Variants in RAB9B observed in about 807,000 individuals in gnomAD.
RAB9B encodes the protein RAB9B, member RAS oncogene family, also known as ras-related protein Rab-9B.
In RAB9B, 1 loss-of-function variant was observed where a neutral mutation model predicts 8.9. That is an observed-to-expected ratio of 0.11 (90% CI 0.04 to 0.53). RAB9B has a LOEUF of 0.53. Ranked by LOEUF, RAB9B falls within the 20% of genes least tolerant of loss-of-function variation. The pLI is 0.93. For synonymous variants in RAB9B, 63 were observed against 57.0 expected (o/e 1.10, Z -0.47); for missense variants, 82 against 152.9 (o/e 0.54, Z 2.45).
chrX:103,808,504 T>G, the RAB9B span, among the ~76,000 whole-genome samples: 1 of 112,682 alleles, frequency 8.9e-6, no homozygotes, highest in Non-Finnish European at 1.9e-5. Flanking sequence ...GCAGGTAGCC[T>G]GAGCCATCCC....
chrX:103,822,960 G>C lies in RAB9B; in HGVS notation c.*2219C>G, dbSNP rs943980067. ...GCCAATAAAATTAACACTTGTCTTAGATGGACAGGATGCCTATGAATCCGA... is the reference window on the plus strand; with the variant it reads ...GCCAATAAAATTAACACTTGTCTTACATGGACAGGATGCCTATGAATCCGA... On this transcript the variant is annotated 3_prime_UTR_variant, in exon 3 of 3. Coordinates refer to ENST00000243298, the MANE Select transcript of RAB9B (RefSeq NM_016370.4). The C allele has an allele frequency of 7.2e-5, 8 of 111,280 alleles. No homozygotes were observed. The highest frequency in any genetic ancestry group is 3.8e-4 in the South Asian group (1 of 2,609). The allele number at this position is 111,280 out of a possible 1,213,427, so 9.2% of individuals were successfully genotyped here.
At chrX:103,796,286 G>C in the RAB9B span, among the ~76,000 whole-genome samples, 1 of 111,540 alleles carries the variant, frequency 9.0e-6, no homozygotes, top group Non-Finnish European at 1.9e-5. Context: ...TTCAAGACCA[G>C]TCTGGCCAAC....
At chrX:103,830,615 T>G (rs1429435794) in intron 1 of RAB9B, among the ~76,000 whole-genome samples, 1 of 111,388 alleles carries the variant, frequency 9.0e-6, no homozygotes, top group Non-Finnish European at 1.9e-5. Context: ...TAACTTTTTT[T>G]TTTCCCATCA....
At chrX:103,796,824 C>G in the RAB9B span, among the ~76,000 whole-genome samples, 1 of 74,656 alleles carries the variant, frequency 1.3e-5, no homozygotes, top group Non-Finnish European at 2.4e-5. Flanking sequence ...GAAAAGGGGC[C>G]ACAAAGCGAG....
Position 103,822,812 on chromosome X carries a change from G to A in RAB9B, c.*2367C>T, listed in dbSNP as rs888134492. ...AAACTGTATGTCAGCACCCCACTGA[G>A]TGTTGCTTACCCAAATGCCACTGTT... On this transcript the variant is annotated 3_prime_UTR_variant, in exon 3 of 3. Coordinates refer to ENST00000243298, the MANE Select transcript of RAB9B (RefSeq NM_016370.4). The A allele has an allele frequency of 4.5e-5, 5 of 111,180 alleles. No homozygotes were observed. The highest frequency in any genetic ancestry group is 1.6e-4 in the African/African-American group (5 of 30,550). The allele number at this position is 111,180 out of a possible 1,213,427, so 9.2% of individuals were successfully genotyped here. A position where few individuals can be genotyped will look rare whatever the true frequency, so the allele number is the denominator to read the frequency against.
the RAB9B span, chrX:103,787,814 A>G: frequency 7.4e-6 from 9 of 1,210,078 alleles, no homozygotes; most frequent in Admixed American, 2.2e-5. Flanking sequence ...GGCATCACCT[A>G]TGCCCTGACC....
chrX:103,818,790 T>C (rs1170587747), downstream of RAB9B, among the ~76,000 whole-genome samples: 1 of 111,966 alleles, frequency 8.9e-6, no homozygotes, highest in East Asian at 2.8e-4. Context: ...TCTGCTTATC[T>C]CAGGTTAATA....
the RAB9B span, among the ~76,000 whole-genome samples, chrX:103,794,668 A>T: frequency 8.9e-6 from 1 of 112,534 alleles, no homozygotes; most frequent in Non-Finnish European, 1.9e-5. Flanking sequence ...CTATTTTGAC[A>T]TTAACAGTTA....
rs2074707069 is a variant in RAB9B at position 103,832,195 on chromosome X, G to C, written c.-252C>G. 1 of 111,284 alleles carries C rather than the reference G, an allele frequency of 9.0e-6. No individual in the cohort carries two copies. Among genetic ancestry groups the C allele is most frequent in the Non-Finnish European group, 1.9e-5 (1 of 52,629 alleles). The allele number at this position is 111,284 out of a possible 1,213,427, so 9.2% of individuals were successfully genotyped here. ...CGTCCTCAATGGGGCAGCAAGTGCG[G>C]CTTGGACCTCGGTGGCCTGACAGCT... On this transcript the variant is annotated 5_prime_UTR_variant, in exon 1 of 3. Coordinates refer to ENST00000243298, the MANE Select transcript of RAB9B (RefSeq NM_016370.4).
the RAB9B span, among the ~76,000 whole-genome samples, chrX:103,809,124 T>C: frequency 9.0e-6 from 1 of 110,756 alleles, no homozygotes; most frequent in Non-Finnish European, 1.9e-5. Context: ...GGTGTCCTTA[T>C]AAGAAAAGGG....
At chrX:103,817,047 A>G in the RAB9B span, among the ~76,000 whole-genome samples, 2 of 112,314 alleles carry the variant, frequency 1.8e-5, no homozygotes, top group Non-Finnish European at 3.8e-5. Flanking sequence ...CTAGAACTAG[A>G]AATACCTTTT....
the RAB9B span, among the ~76,000 whole-genome samples, chrX:103,811,493 A>T: frequency 8.9e-6 from 1 of 112,086 alleles, no homozygotes; most frequent in Non-Finnish European, 1.9e-5. Flanking sequence ...TATAAACATT[A>T]ATTTTTATTA....
At chrX:103,806,287 C>G in the RAB9B span, among the ~76,000 whole-genome samples, 4 of 110,981 alleles carry the variant, frequency 3.6e-5, no homozygotes, top group East Asian at 1.1e-3. Context: ...TAAGTTTAGT[C>G]AGGTTGTAAT....
chrX:103,795,646 A>T, the RAB9B span, among the ~76,000 whole-genome samples: 4 of 112,098 alleles, frequency 3.6e-5, no homozygotes, highest in Admixed American at 9.5e-5. Context: ...ACCAGATAGA[A>T]ATTTGGTGAA....
At chrX:103,779,593 G>A in the RAB9B span, among the ~76,000 whole-genome samples, 3 of 111,958 alleles carry the variant, frequency 2.7e-5, no homozygotes, top group South Asian at 3.7e-4. Context: ...CAGAGCCAGA[G>A]GAGTTCTTGG....
At chrX:103,779,894 G>A in the RAB9B span, 3 of 112,443 alleles carry the variant, frequency 2.7e-5, no homozygotes, top group African/African-American at 9.7e-5. Context: ...TTGAAAGAAA[G>A]CAACAGTAGA....
At chrX:103,821,398 C>A (rs1312779183), downstream of RAB9B, among the ~76,000 whole-genome samples, 2 of 109,272 alleles carry the variant, frequency 1.8e-5, no homozygotes, top group African/African-American at 6.7e-5. Context: ...TCCCCACCCC[C>A]AATTTCAACT....
At chrX:103,797,354 G>A in the RAB9B span, among the ~76,000 whole-genome samples, 1 of 111,949 alleles carries the variant, frequency 8.9e-6, no homozygotes, top group Non-Finnish European at 1.9e-5. Flanking sequence ...TGGGATTACA[G>A]GCATGAGCCA....
chrX:103,796,598 T>C, the RAB9B span, among the ~76,000 whole-genome samples: 263 of 110,804 alleles, frequency 2.4e-3, 1 homozygote, highest in African/African-American at 7.7e-3. Flanking sequence ...TCTCATTTTA[T>C]CCTCACATCA....
Sources: gnomAD v4.1 joint callset for allele counts (sites outside exome capture counted in the v4.1 genomes callset) on GRCh38, gnomAD v4.1.1 for gene constraint, MANE v1.5 for transcripts, NCBI Gene and HGNC (gene_info 2026-07-23, HGNC 2026-07-21) for gene names.